ADGRV1: variants seen among roughly 807,000 people sequenced by gnomAD.
The protein encoded by ADGRV1 is adhesion G protein-coupled receptor V1.
In ADGRV1, 359 loss-of-function variants were observed where a neutral mutation model predicts 596.2. The ratio of observed to expected loss-of-function variants is 0.60; its 90% CI spans 0.55 to 0.66. ADGRV1 has a LOEUF of 0.66. ADGRV1 is among the 30% of genes least tolerant of loss of function. ADGRV1 has a pLI of 0.00. For synonymous variants in ADGRV1, 2,681 were observed against 2,679.2 expected (o/e 1.00, Z -0.02); for missense variants, 7,274 against 7,575.6 (o/e 0.96, Z 1.48).
chr5:90,882,371 T>A (rs1769877613), intron 83 of ADGRV1, among the ~76,000 whole-genome samples: 2 of 152,208 alleles, frequency 1.3e-5, no homozygotes, highest in South Asian at 4.1e-4. Flanking sequence ...AAGACCCATG[T>A]CTTTTACCTT....
In ADGRV1 at chr5:91,035,117, G is replaced by A. The variant is rs74477301; in HGVS notation, c.18153-37330G>A. On this transcript the variant is annotated intron_variant, in intron 85 of 89. Coordinates refer to ENST00000405460, the MANE Select transcript of ADGRV1 (RefSeq NM_032119.4). ...CTGTAACACAGGGACTTTTGCAATGGCTCTGTTTCTCCTTCCAGCCCTATA... is the reference window on the plus strand; with the variant it reads ...CTGTAACACAGGGACTTTTGCAATGACTCTGTTTCTCCTTCCAGCCCTATA... Among the ~76,000 whole-genome samples, 762 of 152,174 alleles carry A rather than the reference G, an allele frequency of 5.0e-3. 6 individuals are homozygous for A. Among genetic ancestry groups the A allele is most frequent in the African/African-American group, 0.018 (739 of 41,528 alleles).
Position 90,674,197 on chromosome 5 carries a change from G to C in ADGRV1, c.5073G>C (p.Thr1691=). 1.9e-6 allele frequency: 3 copies of C among 1,611,318 alleles called. No homozygotes were observed. Among genetic ancestry groups the C allele is most frequent in the Non-Finnish European group, 1.7e-6 (2 of 1,178,940 alleles). ...SGASIDPEKE[T]TDITIKASDH... ...CAAGCATAGATCCTGAAAAGGAAAC[G>C]ACTGATATCACCATCAAAGCTAGTG... Residue 1691 remains threonine (T), a synonymous_variant, in exon 23 of 90, where the codon ACG becomes ACC. Coordinates refer to ENST00000405460, the MANE Select transcript of ADGRV1 (RefSeq NM_032119.4).
intron 83 of ADGRV1, among the ~76,000 whole-genome samples, chr5:90,953,501 A>AT (rs1385953526): frequency 6.6e-6 from 1 of 151,918 alleles, no homozygotes; most frequent in African/African-American, 2.4e-5. Flanking sequence ...GTAATACTGG[A>AT]TTTTTTTGAA....
chr5:90,770,467 A>C (rs996181197), intron 59 of ADGRV1, among the ~76,000 whole-genome samples: 4 of 152,114 alleles, frequency 2.6e-5, no homozygotes, highest in Admixed American at 1.3e-4. Context: ...TGTATCCTCT[A>C]GTCTACTCCA....
At chr5:90,950,839 TAATAGTA>T (rs1190244318) in intron 83 of ADGRV1, among the ~76,000 whole-genome samples, 1 of 152,180 alleles carries the variant, frequency 6.6e-6, no homozygotes, top group African/African-American at 2.4e-5. Context: ...TCAACTTGCA[TAATAGTA>T]AATGAATTAT....
rs1284493126 is a variant in ADGRV1 at position 91,153,348 on chromosome 5, C to T, written c.18752C>T (p.Ala6251Val). The change falls in exon 89 of 90, where the codon GCC becomes GTC. Residue 6251 changes from alanine (A) to valine (V), a missense_variant. Ala to Val is a moderately conservative substitution (Grantham distance 64). Coordinates refer to ENST00000405460, the MANE Select transcript of ADGRV1 (RefSeq NM_032119.4). ...GGATATGGCCAGGGGTCACTGATAG[C>T]CGATGAGGAGTCCCAGGAGTTTGAT... is the stretch of plus-strand genomic sequence containing the variant. ...SGGYGQGSLI[A>V]DEESQEFDDL... The T allele has an allele frequency of 6.8e-6, 11 of 1,611,774 alleles. No individual in the cohort carries two copies. Among genetic ancestry groups the T allele is most frequent in the Non-Finnish European group, 8.5e-6 (10 of 1,179,018 alleles).
intron 83 of ADGRV1, among the ~76,000 whole-genome samples, chr5:90,948,254 G>A (rs1311801104): frequency 6.6e-6 from 1 of 152,024 alleles, no homozygotes; most frequent in Non-Finnish European, 1.5e-5. Context: ...TTATAAGGAG[G>A]TGAGCTAGGA....
chr5:90,574,136 GCT>G (rs1165457627), intron 1 of ADGRV1, among the ~76,000 whole-genome samples: 1 of 151,304 alleles, frequency 6.6e-6, no homozygotes, highest in Non-Finnish European at 1.5e-5. Flanking sequence ...GTCTATTGAG[GCT>G]CTTTTTCGGT....
chr5:90,812,583 T>C (rs1441697129), intron 74 of ADGRV1, among the ~76,000 whole-genome samples: 4 of 152,206 alleles, frequency 2.6e-5, no homozygotes, highest in African/African-American at 4.8e-5. Flanking sequence ...ATTTTTGAGA[T>C]TTGATGCTTC....
intron 1 of ADGRV1, among the ~76,000 whole-genome samples, chr5:90,562,293 A>G (rs1007155244): frequency 1.3e-5 from 2 of 151,888 alleles, no homozygotes; most frequent in Non-Finnish European, 2.9e-5. Flanking sequence ...ATTTCCTCAC[A>G]TCGTATGCCT....
At chr5:90,894,707 G>T (rs1424603856) in intron 83 of ADGRV1, among the ~76,000 whole-genome samples, 2 of 152,092 alleles carry the variant, frequency 1.3e-5, no homozygotes, top group South Asian at 4.1e-4. Flanking sequence ...ACAAGAAATC[G>T]CAGAGTGCAA....
At chr5:91,047,898 G>A (rs1785968108) in intron 85 of ADGRV1, among the ~76,000 whole-genome samples, 1 of 152,192 alleles carries the variant, frequency 6.6e-6, no homozygotes, top group African/African-American at 2.4e-5. Context: ...TGTGATTACT[G>A]TAAATCACAA....
At chr5:90,686,793 G>A (rs918029593) in intron 29 of ADGRV1, among the ~76,000 whole-genome samples, 2 of 152,172 alleles carry the variant, frequency 1.3e-5, no homozygotes, top group Non-Finnish European at 2.9e-5. Flanking sequence ...TCGCCACGCT[G>A]ACTTCCACAA....
intron 5 of ADGRV1, among the ~76,000 whole-genome samples, chr5:90,624,762 T>A (rs1250401997): frequency 6.6e-6 from 1 of 152,222 alleles, no homozygotes; most frequent in African/African-American, 2.4e-5. Flanking sequence ...TTTTATTTAT[T>A]CTTCACATCT....
At chr5:91,072,366 A>C in intron 85 of ADGRV1, 81 bp from the exon 86 acceptor site, 1 of 1,231,146 alleles carries the variant, frequency 8.1e-7, no homozygotes, top group South Asian at 1.2e-5. Flanking sequence ...AGCTAGTATA[A>C]AGTAGTGATG....
rs142350157 is a variant in ADGRV1, at chr5:91,161,859, A to G, written c.18803-1923A>G. On this transcript the variant is annotated intron_variant, in intron 89 of 89. Transcript: ENST00000405460. ...AAAATAAGTATCTGTAAAAAGGTAT[A>G]GAGATGGGCCCTGATGGGCAGGCAG... Among the ~76,000 whole-genome samples, 9 of 152,318 alleles carry G rather than the reference A, an allele frequency of 5.9e-5. No individual in the cohort carries two copies. The South Asian group carries it at 1.2e-3, about 21-fold the overall frequency.
chr5:90,575,217 T>C (rs1757044926), intron 1 of ADGRV1, among the ~76,000 whole-genome samples: 2 of 152,164 alleles, frequency 1.3e-5, no homozygotes, highest in African/African-American at 4.8e-5. Flanking sequence ...TTTTTTTTAC[T>C]TTTAAAAAAG....
chr5:90,811,416 T>G, intron 74 of ADGRV1, 78 bp downstream of exon 74: 1 of 1,306,306 alleles, frequency 7.7e-7, no homozygotes, highest in African/African-American at 1.5e-5. Flanking sequence ...TAGCTTAAAT[T>G]TAATGGAAGA....
chr5:90,955,913 T>C (rs1777434915), intron 83 of ADGRV1, among the ~76,000 whole-genome samples: 1 of 152,152 alleles, frequency 6.6e-6, no homozygotes, highest in Non-Finnish European at 1.5e-5. Context: ...TCACTGCACT[T>C]AGAGAAAACA....
Sources: allele counts gnomAD v4.1 joint callset (sites outside exome capture counted in the v4.1 genomes callset), GRCh38; gene constraint gnomAD v4.1.1; transcripts MANE v1.5; gene names NCBI Gene and HGNC (gene_info 2026-07-23, HGNC 2026-07-21).